BBS9: variants seen among roughly 807,000 people sequenced by gnomAD.
BBS9 encodes protein PTHB1.
Under a neutral mutation model 117.7 loss-of-function variants are expected in BBS9, and 89 were observed. That is an observed-to-expected ratio of 0.76 (90% confidence interval 0.64 to 0.90). The LOEUF is 0.90. Ranked by LOEUF, BBS9 falls within the 40% of genes least tolerant of loss-of-function variation. BBS9 has a pLI of 0.00. For synonymous variants in BBS9, 379 were observed against 370.9 expected, an observed-to-expected ratio of 1.02 and a Z score of -0.25; for missense variants, 982 against 1,042.2, an observed-to-expected ratio of 0.94 and a Z score of 0.80.
At chr7:33,335,581 A>G (rs183032870) in intron 9 of BBS9, among the ~76,000 whole-genome samples, 4 of 152,306 alleles carry the variant, frequency 2.6e-5, no homozygotes, top group Admixed American at 2.0e-4. Context: ...TTTTTATGAC[A>G]TGTTCACAAA....
Position 33,130,033 on chromosome 7 carries a change from T to A in BBS9, c.-20T>A, listed in dbSNP as rs1178318985. On this transcript the variant is annotated 5_prime_UTR_variant, in exon 1 of 23. Coordinates refer to ENST00000242067, the MANE Select transcript of BBS9 (RefSeq NM_198428.3). The stretch of plus-strand genomic sequence containing the variant: ...AAGGTGGGGCAGAGCTCATCTGACG[T>A]GGCATCAGGTAAGATGGTATGTCTG... 6.6e-6 allele frequency: 1 copy of A among 152,204 alleles called. No homozygotes were observed. The highest frequency in any genetic ancestry group is 1.5e-5 in the Non-Finnish European group (1 of 68,040). 9.4% of individuals were successfully genotyped at this position (152,204 alleles called of 1,614,324 possible).
chr7:33,607,192 A>G (rs1864622352), downstream of BBS9, among the ~76,000 whole-genome samples: 2 of 152,116 alleles, frequency 1.3e-5, no homozygotes, highest in African/African-American at 2.4e-5. Context: ...CAAAAGGTCA[A>G]CTAATCTCCT....
intron 20 of BBS9, among the ~76,000 whole-genome samples, chr7:33,527,366 G>T (rs532040912): frequency 1.2e-3 from 188 of 152,210 alleles, no homozygotes; most frequent in Middle Eastern, 3.4e-3. Context: ...GCCTTGCAGT[G>T]TGATCTCAGA....
chr7:33,352,738 T>A (rs1818898227), intron 14 of BBS9, 121 bp from the exon 15 acceptor site: 3 of 1,148,398 alleles, frequency 2.6e-6, no homozygotes, highest in Non-Finnish European at 3.9e-6. Flanking sequence ...TCTGTGAGAA[T>A]CTTGAAATTT....
chr7:33,131,318 A>C (rs1789579018), intron 1 of BBS9, among the ~76,000 whole-genome samples: 1 of 152,200 alleles, frequency 6.6e-6, no homozygotes, highest in Non-Finnish European at 1.5e-5. Context: ...AGAACAATTG[A>C]GATACTAGAG....
intron 21 of BBS9, among the ~76,000 whole-genome samples, chr7:33,539,596 G>C (rs945204448): frequency 6.6e-6 from 1 of 152,180 alleles, no homozygotes; most frequent in African/African-American, 2.4e-5. Context: ...TTACAGAAAG[G>C]GTCCTTTTAA....
chr7:33,267,593 G>A (rs986375772), intron 7 of BBS9, among the ~76,000 whole-genome samples: 1 of 151,436 alleles, frequency 6.6e-6, no homozygotes. Context: ...CTACCTTCAG[G>A]TGATATATTA....
intron 9 of BBS9, among the ~76,000 whole-genome samples, chr7:33,282,976 T>C (rs865929199): frequency 3.3e-5 from 5 of 152,336 alleles, no homozygotes; most frequent in Non-Finnish European, 4.4e-5. Context: ...ATATTATTAT[T>C]TATTTTGTCA....
At chr7:33,337,648 A>G (rs1191057379) in intron 10 of BBS9, among the ~76,000 whole-genome samples, 1 of 152,154 alleles carries the variant, frequency 6.6e-6, no homozygotes, top group Non-Finnish European at 1.5e-5. Context: ...AGTACCTCCA[A>G]TTACTTAAAA....
intron 6 of BBS9, among the ~76,000 whole-genome samples, chr7:33,258,790 G>C (rs771270278): frequency 2.0e-5 from 3 of 152,092 alleles, no homozygotes; most frequent in Non-Finnish European, 2.9e-5. Context: ...ATGTGCATAG[G>C]AATTAATTTG....
At chr7:33,559,806 A>C (rs963895135) in intron 21 of BBS9, among the ~76,000 whole-genome samples, 1 of 151,976 alleles carries the variant, frequency 6.6e-6, no homozygotes, top group Non-Finnish European at 1.5e-5. Flanking sequence ...CAGCCCCTTC[A>C]TTCTTACTTG....
Position 33,472,654 on chromosome 7 carries a change from G to A in BBS9, c.2116-32809G>A, listed in dbSNP as rs534349568. ...CAAAGAGGTAATTGTAGAATACATC[G>A]ACAAGCAGAGTTTATAGTTGAAATT... On this transcript the variant is annotated intron_variant, in intron 19 of 22. Transcript: ENST00000242067. Among the ~76,000 whole-genome samples the A allele has an allele frequency of 1.2e-4, 19 of 152,260 alleles. No homozygotes were observed. In the South Asian group the frequency reaches 3.9e-3, roughly 32 times the overall value.
At chr7:33,165,616 A>T (rs1455278887) in intron 4 of BBS9, among the ~76,000 whole-genome samples, 1 of 151,620 alleles carries the variant, frequency 6.6e-6, no homozygotes, top group African/African-American at 2.4e-5. Context: ...CTTCCACTTG[A>T]TTGAATCAGC....
intron 5 of BBS9, among the ~76,000 whole-genome samples, chr7:33,224,786 A>AT (rs1283679242): frequency 6.6e-6 from 1 of 152,032 alleles, no homozygotes. Flanking sequence ...TTCAGGTTTG[A>AT]TTTTTTTGGC....
chr7:33,628,256 A>C (rs1315922659), intron 21 of BBS9, among the ~76,000 whole-genome samples: 2 of 152,190 alleles, frequency 1.3e-5, no homozygotes, highest in African/African-American at 2.4e-5. Context: ...GAATAAAAAA[A>C]CTAGAGACCA....
chr7:33,304,576 C>G lies in BBS9; in HGVS notation c.1016+30620C>G, dbSNP rs986251394. Among the ~76,000 whole-genome samples, 13 of 152,224 alleles carry G rather than the reference C, an allele frequency of 8.5e-5. 1 individual carries two copies. The South Asian group carries it at 2.3e-3, about 27-fold the overall frequency. The stretch of plus-strand genomic sequence containing the variant: ...GGAAGTGAGGAGCGCCTCTGCCTGG[C>G]TGCTGTGCAATCTTCCAAGTGTGAA... On this transcript the variant is annotated intron_variant, in intron 9 of 22. Transcript: ENST00000242067.
intron 1 of BBS9, among the ~76,000 whole-genome samples, chr7:33,140,778 T>A (rs1401606990): frequency 6.6e-6 from 1 of 152,224 alleles, no homozygotes; most frequent in East Asian, 1.9e-4. Flanking sequence ...TTATATAATG[T>A]CATTAGTAAT....
chr7:33,574,969 A>G (rs2076965586), intron 21 of BBS9, among the ~76,000 whole-genome samples: 1 of 152,068 alleles, frequency 6.6e-6, no homozygotes, highest in East Asian at 1.9e-4. Context: ...CTTACGATTA[A>G]TTAAAAAGAA....
intron 20 of BBS9, among the ~76,000 whole-genome samples, chr7:33,509,469 A>G (rs1846604756): frequency 6.6e-6 from 1 of 152,208 alleles, no homozygotes; most frequent in Non-Finnish European, 1.5e-5. Context: ...TGTTGAAAAT[A>G]TATCCCATAT....
Sources: gnomAD v4.1 joint callset for allele counts (sites outside exome capture counted in the v4.1 genomes callset) on GRCh38, gnomAD v4.1.1 for gene constraint, MANE v1.5 for transcripts, NCBI Gene and HGNC (gene_info 2026-07-23, HGNC 2026-07-21) for gene names.